The following FLCN variants were observed in gnomAD, a reference collection of about 807,000 sequenced individuals.
FLCN encodes folliculin, also known as BHD skin lesion fibrofolliculoma protein.
FLCN carries 22 observed loss-of-function variants against 62.5 expected under a neutral mutation model. The ratio of observed to expected loss-of-function variants is 0.35; its 90% CI spans 0.25 to 0.50. The LOEUF (loss-of-function observed/expected upper bound fraction) is 0.50, where lower values mean the gene tolerates loss of function less well. FLCN is among the 20% of genes least tolerant of loss of function. The probability of loss-of-function intolerance (pLI) is 0.97; values close to 1 mark genes in which losing one functional copy is unlikely to be tolerated. For synonymous variants in FLCN, 319 were observed against 310.0 expected (o/e 1.03, Z -0.30); for missense variants, 657 against 778.0 (o/e 0.84, Z 1.85).
At chr17:17,234,214 G>GTTTTTTTTTTTTTTTTTTTTT (rs1436629658) in intron 1 of FLCN, among the ~76,000 whole-genome samples, 3 of 125,258 alleles carry the variant, frequency 2.4e-5, no homozygotes, top group Non-Finnish European at 3.5e-5. Context: ...TTTTTTTTTG[G>GTTTTTTTTTTTTTTTTTTTTT]TTTGTTTTTT....
At chr17:17,219,301 G>A in intron 8 of FLCN, 92 bp from the exon 9 acceptor site, 1 of 1,189,202 alleles carries the variant, frequency 8.4e-7, no homozygotes, top group Non-Finnish European at 1.1e-6. Flanking sequence ...GCCGGTCAGT[G>A]TAGATTCCTG....
At chr17:17,233,382 G>A (rs1447647325) in intron 1 of FLCN, among the ~76,000 whole-genome samples, 1 of 152,060 alleles carries the variant, frequency 6.6e-6, no homozygotes, top group East Asian at 2.0e-4. Flanking sequence ...CAGATCAGGA[G>A]GTCAGGAGAT....
chr17:17,227,881 A>G lies in FLCN; in HGVS notation c.249+8T>C. 3 of 1,614,080 alleles carry G rather than the reference A, an allele frequency of 1.9e-6. No homozygotes were observed. The highest frequency in any genetic ancestry group is 2.5e-6 in the Non-Finnish European group (3 of 1,180,004). ...GGATCACAAAACCAAGACCCCAAAG[A>G]CACTTGCCTCGCACATGTCCGACTT... On this transcript the variant is annotated splice_region_variant and intron_variant, in intron 4 of 13. Transcript: ENST00000285071.
intron 1 of FLCN, among the ~76,000 whole-genome samples, chr17:17,233,323 C>A (rs1008472245): frequency 6.6e-6 from 1 of 151,960 alleles, no homozygotes; most frequent in Admixed American, 6.6e-5. Flanking sequence ...CCAGGCCGGG[C>A]GCGGTGGCTC....
intron 7 of FLCN, 138 bp downstream of exon 7, chr17:17,222,363 C>A: frequency 8.2e-7 from 1 of 1,212,150 alleles, no homozygotes; most frequent in Non-Finnish European, 1.2e-6. Context: ...CTGACAAGTG[C>A]CCACAGGCCA....
At chr17:17,223,004 C>T in intron 6 of FLCN, 1 of 392,580 alleles carries the variant, frequency 2.5e-6, no homozygotes, top group South Asian at 2.1e-5. Context: ...TTGGCTAAGG[C>T]ACACGTGACT....
At position 17,219,103 on chromosome 17, in the gene FLCN, C is replaced by T. The variant is rs920594920; in HGVS notation, c.978G>A (p.Pro326=). 8.1e-6 allele frequency: 13 copies of T among 1,614,030 alleles called. No homozygotes were observed. The highest frequency in any genetic ancestry group is 2.7e-5 in the African/African-American group (2 of 74,922). The stretch of plus-strand genomic sequence containing the variant: ...AGCCTGAGAGAGAGGAGGACTCTGC[C>T]GGGCCCTGGGTCAGCTCCCGCCCTT... ...STEGRELTQG[P]AESSSLSGCG... is the part of the protein sequence containing the mutation. The change falls in exon 9 of 14, where the codon CCG becomes CCA. Residue 326 remains proline, a synonymous_variant. Transcript: ENST00000285071.
intron 4 of FLCN, among the ~76,000 whole-genome samples, chr17:17,227,304 C>G (rs1597615473): frequency 6.6e-6 from 1 of 152,032 alleles, no homozygotes; most frequent in African/African-American, 2.4e-5. Flanking sequence ...CACTGGGGGT[C>G]CTGGGAGCAG....
chr17:17,223,138 G>A (rs181580982), intron 6 of FLCN: 1 of 290,830 alleles, frequency 3.4e-6, no homozygotes, highest in Admixed American at 4.5e-5. Context: ...CTGTCGCCCA[G>A]GCTGGAGTGC....
chr17:17,217,820 G>A (rs1457721315), intron 9 of FLCN: 1 of 160,812 alleles, frequency 6.2e-6, no homozygotes, highest in Admixed American at 5.7e-5. Flanking sequence ...GCTGTCTCAC[G>A]GCTTCTAAGA....
chr17:17,222,381 TCA>T, intron 7 of FLCN, 118 bp downstream of exon 7: 1 of 1,436,664 alleles, frequency 7.0e-7, no homozygotes, highest in Non-Finnish European at 9.5e-7. Flanking sequence ...CCAGTGCTCC[TCA>T]CAGAGGCAGC....
intron 5 of FLCN, chr17:17,225,880 C>CA (rs2047230820): frequency 2.1e-6 from 1 of 480,050 alleles, no homozygotes; most frequent in South Asian, 2.1e-5. Flanking sequence ...GACCCTGACA[C>CA]AAAAGAAGGA....
At chr17:17,220,980 C>A (rs1182794231) in intron 8 of FLCN, 1 of 417,846 alleles carries the variant, frequency 2.4e-6, no homozygotes, top group Non-Finnish European at 4.4e-6. Flanking sequence ...GTACCACAGA[C>A]CTGTAGCACC....
chr17:17,224,558 G>A, intron 5 of FLCN: 1 of 337,044 alleles, frequency 3.0e-6, no homozygotes, highest in Non-Finnish European at 5.7e-6. Context: ...TATTTGAGAT[G>A]GAGTCTCGCT....
chr17:17,221,718 GA>G (rs2047097011), intron 7 of FLCN, 90 bp from the exon 8 acceptor site: 1 of 1,374,234 alleles, frequency 7.3e-7, no homozygotes, highest in East Asian at 2.5e-5. Context: ...CCAGTTTAAA[GA>G]AAAAATGGGT....
chr17:17,237,140 ACACT>A lies in FLCN; in HGVS notation c.-460_-457del, dbSNP rs2047604859. The A allele has an allele frequency of 6.6e-6, 1 of 152,048 alleles. No homozygotes were observed. The highest frequency in any genetic ancestry group is 2.4e-5 in the African/African-American group (1 of 41,362). The allele number at this position is 152,048 out of a possible 1,614,324, so 9.4% of individuals were successfully genotyped here. On this transcript the variant is annotated 5_prime_UTR_variant, in exon 1 of 14. Transcript: ENST00000285071. ...GGAGCTGGCAGAACCAGGAGCGACC[ACACT>A]CACTCGCGGTCCCGCAGCCCCGCCG...
rs574471240 is a variant in FLCN, at chr17:17,213,173, G to T, written c.*482C>A. On this transcript the variant is annotated 3_prime_UTR_variant, in exon 14 of 14. Coordinates refer to ENST00000285071, the MANE Select transcript of FLCN (RefSeq NM_144997.7). The stretch of plus-strand genomic sequence containing the variant: ...TAACTCAATCACTCAGTGACCAAGA[G>T]CTGGCAATGTACTGAATATTCACAA... The T allele has an allele frequency of 6.0e-6, 2 of 335,688 alleles. No homozygotes were observed. The highest frequency in any genetic ancestry group is 9.3e-5 in the South Asian group (2 of 21,542). The allele number at this position is 335,688 out of a possible 1,614,324, so 20.8% of individuals were successfully genotyped here. A position where few individuals can be genotyped will look rare whatever the true frequency, so the allele number is the denominator to read the frequency against.
In FLCN at chr17:17,228,034, T is replaced by C. The variant is rs2047310284; in HGVS notation, c.104A>G (p.Asn35Ser). 2 of 1,613,716 alleles carry C rather than the reference T, an allele frequency of 1.2e-6. No individual in the cohort carries two copies. Among genetic ancestry groups the C allele is most frequent in the Non-Finnish European group, 8.5e-7 (1 of 1,179,964 alleles). ...CTCACCCTGGCCAGGACTGTCCTCA[T>C]TCCCATCCCCTTGAGGAAGTGGGGC... ...LHAPLPQGDG[N>S]EDSPGQGEQA... The change falls in exon 4 of 14, where the codon AAT (asparagine) becomes AGT (serine). Residue 35 changes from asparagine (N) to serine (S), a missense_variant. Physicochemically the swap from Asn to Ser is conservative, Grantham distance 46. Coordinates refer to ENST00000285071, the MANE Select transcript of FLCN (RefSeq NM_144997.7).
rs780571501 is a variant in FLCN, at chr17:17,216,420, G to C, written c.1260C>G (p.Leu420=). Reference sequence around the variant, plus strand: ...GGGGGGGGATCTGCACGTGCGGGCTGAGCCCCAGGAAGTTGCACCGATAGG... The same window carrying C: ...GGGGGGGGATCTGCACGTGCGGGCTCAGCCCCAGGAAGTTGCACCGATAGG... ...EEAYRCNFLG[L]SPHVQIPPHV... The change falls in exon 11 of 14, where the codon CTC becomes CTG. Residue 420 remains leucine (L), a synonymous_variant. Coordinates refer to ENST00000285071, the MANE Select transcript of FLCN (RefSeq NM_144997.7). This position sits in a 1 kb window ranked among gnomAD's most constrained non-coding sequence, Gnocchi z 4.0. 4 of 1,613,692 alleles carry C rather than the reference G, an allele frequency of 2.5e-6. No individual in the cohort carries two copies. The highest frequency in any genetic ancestry group is 3.4e-6 in the Non-Finnish European group (4 of 1,179,836).
Sources: allele counts gnomAD v4.1 joint callset (sites outside exome capture counted in the v4.1 genomes callset), GRCh38; gene constraint gnomAD v4.1.1; non-coding constraint Gnocchi (gnomAD v3.1); transcripts MANE v1.5; gene names NCBI Gene and HGNC (gene_info 2026-07-23, HGNC 2026-07-21).